The following ADAM23 variants were observed in gnomAD, a reference collection of about 807,000 sequenced individuals.
ADAM23 encodes the protein disintegrin and metalloproteinase domain-containing protein 23.
In ADAM23, 33 loss-of-function variants were observed where a neutral mutation model predicts 120.1. That is an observed-to-expected ratio of 0.27 (90% CI 0.21 to 0.37). The LOEUF is 0.37. ADAM23 is among the 10% of genes least tolerant of loss of function. The pLI, the probability that ADAM23 is intolerant of heterozygous loss-of-function variation, is 1.00. For synonymous variants in ADAM23, 367 were observed against 375.2 expected, an observed-to-expected ratio of 0.98 and a Z score of 0.25; for missense variants, 862 against 1,058.2, an observed-to-expected ratio of 0.81 and a Z score of 2.57.
chr2:206,476,562 T>A (rs1204472785), intron 2 of ADAM23, among the ~76,000 whole-genome samples: 1 of 152,124 alleles, frequency 6.6e-6, no homozygotes, highest in Non-Finnish European at 1.5e-5. Flanking sequence ...TGCATACTCC[T>A]TATGAGAATC....
rs532299709 is a variant in ADAM23 at position 206,466,342 on chromosome 2, T to G, written c.433-14890T>G. 2.0e-5 allele frequency among the ~76,000 whole-genome samples: 3 copies of G among 152,326 alleles called. No homozygotes were observed. The South Asian group carries it at 6.2e-4, about 32-fold the overall frequency. On this transcript the variant is annotated intron_variant, in intron 2 of 25. Transcript: ENST00000264377. ...GATGCTCTTGGACTTGAATTCTTTT[T>G]GGGAAGTTTATAGTGCATAATATCT...
At chr2:206,542,237 G>C (rs1228563808) in intron 5 of ADAM23, 103 bp downstream of exon 5, 1 of 1,143,990 alleles carries the variant, frequency 8.7e-7, no homozygotes, top group African/African-American at 1.5e-5. Context: ...GCTGTGTTAG[G>C]GACTGCATGT....
intron 15 of ADAM23, 82 bp downstream of exon 15, chr2:206,567,404 C>T (rs1697908223): frequency 8.9e-7 from 1 of 1,127,452 alleles, no homozygotes; most frequent in South Asian, 1.6e-5. Flanking sequence ...TATCAGACGC[C>T]TGTCTTGGAA....
chr2:206,597,465 C>G (rs1215951417), intron 24 of ADAM23, among the ~76,000 whole-genome samples: 2 of 152,092 alleles, frequency 1.3e-5, no homozygotes, highest in African/African-American at 4.8e-5. Context: ...CGCGCCTGGC[C>G]TCTTACATCA....
chr2:206,485,545 G>T (rs1039640676), intron 3 of ADAM23, among the ~76,000 whole-genome samples: 48 of 152,372 alleles, frequency 3.2e-4, no homozygotes, highest in Middle Eastern at 3.4e-3. Flanking sequence ...AGCCCAGCTT[G>T]TGAGGACTAA....
intron 3 of ADAM23, among the ~76,000 whole-genome samples, chr2:206,510,748 G>A (rs1345720134): frequency 6.6e-6 from 1 of 152,188 alleles, no homozygotes; most frequent in East Asian, 1.9e-4. Flanking sequence ...TATAGAAATG[G>A]CTCAGCTTAA....
In ADAM23 at chr2:206,571,784, G is replaced by A. The variant is rs377327401; in HGVS notation, c.1624G>A (p.Asp542Asn). 17 of 1,613,972 alleles carry A rather than the reference G, an allele frequency of 1.1e-5. No individual in the cohort carries two copies. Among genetic ancestry groups the A allele is most frequent in the African/African-American group, 6.7e-5 (5 of 74,920 alleles). ...CSLSNGAHCS[D>N]GPCCNNTSCL... ...CCTCTCCAACGGGGCTCACTGCAGC[G>A]ACGGGCCCTGCTGTAACAATACCTC... The change falls in exon 17 of 26, where the codon GAC becomes AAC. Residue 542 changes from aspartate to asparagine, a missense_variant. Asp to Asn is a conservative substitution (Grantham distance 23, BLOSUM62 1). Around this residue, in one of 4 missense-constraint regions of ADAM23, gnomAD observed 617 missense variants for 813.5 expected, o/e 0.76. Coordinates refer to ENST00000264377, the MANE Select transcript of ADAM23 (RefSeq NM_003812.4).
intron 3 of ADAM23, among the ~76,000 whole-genome samples, chr2:206,494,345 A>C (rs895861876): frequency 1.3e-5 from 2 of 152,116 alleles, no homozygotes; most frequent in Non-Finnish European, 2.9e-5. Flanking sequence ...CTAATACTTG[A>C]CCCTAAAAAA....
chr2:206,449,339 C>G (rs888875339), intron 2 of ADAM23, among the ~76,000 whole-genome samples: 2 of 152,098 alleles, frequency 1.3e-5, no homozygotes, highest in Non-Finnish European at 2.9e-5. Context: ...ACCATTAATG[C>G]AATATATTAA....
At chr2:206,519,601 C>T (rs1216820346) in intron 3 of ADAM23, among the ~76,000 whole-genome samples, 7 of 152,146 alleles carry the variant, frequency 4.6e-5, no homozygotes, top group African/African-American at 9.7e-5. Context: ...TAAAAATTCT[C>T]TGTTCTCTTT....
intron 2 of ADAM23, among the ~76,000 whole-genome samples, chr2:206,466,124 A>C (rs1695537861): frequency 6.6e-6 from 1 of 152,234 alleles, no homozygotes; most frequent in Non-Finnish European, 1.5e-5. Flanking sequence ...TAGAAGCAGT[A>C]GAGATATCAT....
intron 3 of ADAM23, among the ~76,000 whole-genome samples, chr2:206,495,134 A>G (rs1252497040): frequency 1.1e-4 from 17 of 152,216 alleles, no homozygotes; most frequent in Admixed American, 1.1e-3. Flanking sequence ...ATTCAAATTC[A>G]GGAAAAATAG....
At chr2:206,527,489 T>A (rs2284982) in intron 3 of ADAM23, among the ~76,000 whole-genome samples, 1 of 152,246 alleles carries the variant, frequency 6.6e-6, no homozygotes, top group South Asian at 2.1e-4. Context: ...AAGACTTTTA[T>A]AATTAATTAG....
At chr2:206,563,301 A>G (rs548398562) in intron 13 of ADAM23, among the ~76,000 whole-genome samples, 2 of 152,338 alleles carry the variant, frequency 1.3e-5, no homozygotes, top group South Asian at 4.1e-4. Context: ...ATCTACCTTA[A>G]TATCATTCTA....
intron 3 of ADAM23, among the ~76,000 whole-genome samples, chr2:206,516,139 T>G (rs1271604938): frequency 6.6e-6 from 1 of 151,744 alleles, no homozygotes; most frequent in Non-Finnish European, 1.5e-5. Context: ...TCAGAAGCTC[T>G]CTGTGTTCCT....
At chr2:206,452,929 G>GTC (rs749255697) in intron 2 of ADAM23, among the ~76,000 whole-genome samples, 4 of 151,946 alleles carry the variant, frequency 2.6e-5, no homozygotes, top group Non-Finnish European at 4.4e-5. Context: ...ATCGCCTCTG[G>GTC]TCTCTCTCTC....
At chr2:206,584,333 G>T (rs935918549) in intron 18 of ADAM23, among the ~76,000 whole-genome samples, 2 of 152,150 alleles carry the variant, frequency 1.3e-5, no homozygotes, top group African/African-American at 4.8e-5. Flanking sequence ...GTGCTGGTTG[G>T]CCTCCTGCCA....
chr2:206,530,488 A>G (rs984662449), intron 3 of ADAM23, among the ~76,000 whole-genome samples: 1 of 152,086 alleles, frequency 6.6e-6, no homozygotes, highest in African/African-American at 2.4e-5. Context: ...TTCTGTATTA[A>G]TTAACATATC....
chr2:206,554,856 A>G (rs188526456), intron 9 of ADAM23, among the ~76,000 whole-genome samples: 4 of 152,280 alleles, frequency 2.6e-5, no homozygotes, highest in Non-Finnish European at 5.9e-5. Context: ...TCTAGTGGTC[A>G]TTGTTCTGTC....
Sources: allele counts gnomAD v4.1 joint callset (sites outside exome capture counted in the v4.1 genomes callset), GRCh38; gene constraint gnomAD v4.1.1; regional missense constraint gnomAD v4.1.1; transcripts MANE v1.5; gene names NCBI Gene and HGNC (gene_info 2026-07-23, HGNC 2026-07-21).